The following FAM13B variants were observed in gnomAD, a reference collection of about 807,000 sequenced individuals.
FAM13B encodes family with sequence similarity 13 member B.
In FAM13B, 60 loss-of-function variants were observed where a neutral mutation model predicts 117.3. The ratio of observed to expected loss-of-function variants is 0.51; its 90% confidence interval spans 0.42 to 0.63. The LOEUF is 0.63. Among genes scored for constraint, FAM13B ranks in the 30% least tolerant of loss-of-function variants. The probability of loss-of-function intolerance (pLI) is 0.00; values close to 1 mark genes in which losing one functional copy is unlikely to be tolerated. For synonymous variants in FAM13B, 332 were observed against 356.1 expected, an observed-to-expected ratio of 0.93 and a Z score of 0.76; for missense variants, 972 against 1,091.9, an observed-to-expected ratio of 0.89 and a Z score of 1.55.
chr5:137,956,640 C>A, intron 13 of FAM13B, 98 bp from the exon 14 acceptor site: 1 of 719,262 alleles, frequency 1.4e-6, no homozygotes. Flanking sequence ...ATACCAAAAA[C>A]ATTTCCCTAA....
intron 1 of FAM13B, among the ~76,000 whole-genome samples, chr5:138,024,761 G>T (rs547976506): frequency 1.3e-5 from 2 of 149,352 alleles, no homozygotes; most frequent in South Asian, 4.2e-4. Flanking sequence ...ATTTCCAAAA[G>T]CATACTGTTA....
chr5:138,035,428 C>G (rs1417604354), upstream of FAM13B, among the ~76,000 whole-genome samples: 1 of 152,190 alleles, frequency 6.6e-6, no homozygotes, highest in Non-Finnish European at 1.5e-5. Flanking sequence ...GATATATTCT[C>G]TAGATCCTAC....
At position 137,941,936 on chromosome 5, in the gene FAM13B, C is replaced by A; in HGVS notation, c.2690+8G>T. On this transcript the variant is annotated splice_region_variant and intron_variant, in intron 23 of 23. Coordinates refer to ENST00000689681, the MANE Select transcript of FAM13B (RefSeq NM_001385994.1). ...AAAGATGACTCAATTTTGTGATGCT[C>A]AACAAACCTTCCATTTTGTTGATAA... is the stretch of plus-strand genomic sequence containing the variant. 1 of 1,610,558 alleles carries A rather than the reference C, an allele frequency of 6.2e-7. No individual in the cohort carries two copies. Among genetic ancestry groups the A allele is most frequent in the South Asian group, 1.1e-5 (1 of 90,900 alleles).
chr5:137,951,424 G>A (rs1561738810), intron 17 of FAM13B, among the ~76,000 whole-genome samples: 2 of 152,044 alleles, frequency 1.3e-5, no homozygotes, highest in African/African-American at 4.8e-5. Flanking sequence ...TTGCAAGACC[G>A]AGGTGGGAGA....
At chr5:137,971,608 A>C (rs1772172197) in intron 10 of FAM13B, among the ~76,000 whole-genome samples, 1 of 151,872 alleles carries the variant, frequency 6.6e-6, no homozygotes, top group African/African-American at 2.4e-5. Flanking sequence ...AAATAACTAA[A>C]ATCAGAGTAG....
intron 1 of FAM13B, chr5:138,040,066 A>G (rs1413080045): frequency 6.6e-6 from 1 of 150,998 alleles, no homozygotes; most frequent in Non-Finnish European, 1.5e-5. Context: ...GGAGTTCAAG[A>G]CCAGCCTGAC....
At chr5:137,985,531 T>C (rs1776981060) in intron 9 of FAM13B, 142 bp from the exon 10 acceptor site, 1 of 794,352 alleles carries the variant, frequency 1.3e-6, no homozygotes, top group African/African-American at 1.8e-5. Flanking sequence ...TCCACACTTT[T>C]ATCTTGCTAA....
intron 10 of FAM13B, among the ~76,000 whole-genome samples, chr5:137,977,332 C>T (rs868609342): frequency 8.5e-5 from 13 of 152,184 alleles, no homozygotes; most frequent in African/African-American, 2.9e-4. Flanking sequence ...CCTGTGATCT[C>T]GCCCTGCCTC....
intron 4 of FAM13B, among the ~76,000 whole-genome samples, chr5:138,015,131 T>C (rs1016752858): frequency 1.3e-5 from 2 of 152,214 alleles, no homozygotes; most frequent in South Asian, 2.1e-4. Flanking sequence ...GGGAAGACAG[T>C]GCCTTTGGTA....
chr5:138,031,071 C>A (rs1789860408), intron 1 of FAM13B, among the ~76,000 whole-genome samples: 1 of 151,922 alleles, frequency 6.6e-6, no homozygotes, highest in African/African-American at 2.4e-5. Flanking sequence ...ATTATAGTCC[C>A]CAAATTTAAA....
upstream of FAM13B, chr5:138,036,916 C>T (rs1291385825): frequency 9.2e-6 from 3 of 324,784 alleles, no homozygotes; most frequent in African/African-American, 6.5e-5. Context: ...TTGATTGTCA[C>T]CACTGGAGAG....
At chr5:137,972,831 C>A (rs1367094386) in intron 10 of FAM13B, among the ~76,000 whole-genome samples, 2 of 151,972 alleles carry the variant, frequency 1.3e-5, no homozygotes, top group African/African-American at 4.8e-5. Flanking sequence ...CAAACAGAGC[C>A]AAATCATGAG....
At chr5:137,944,654 G>A (rs1167310554) in intron 20 of FAM13B, among the ~76,000 whole-genome samples, 1 of 151,882 alleles carries the variant, frequency 6.6e-6, no homozygotes, top group Non-Finnish European at 1.5e-5. Flanking sequence ...AGCTACTTGG[G>A]AGGCTGAGGT....
upstream of FAM13B, chr5:138,036,679 T>C: frequency 2.4e-6 from 1 of 415,046 alleles, no homozygotes; most frequent in African/African-American, 2.0e-5. Flanking sequence ...ACCTGCTTTG[T>C]CTAAATCCTC....
intron 17 of FAM13B, among the ~76,000 whole-genome samples, chr5:137,951,236 A>AAAG (rs1764931258): frequency 7.5e-5 from 10 of 133,288 alleles, no homozygotes; most frequent in African/African-American, 1.9e-4. Context: ...AAAAAAAAGG[A>AAAG]GAGAGAGAGA....
At chr5:137,973,625 G>A (rs1478715596) in intron 10 of FAM13B, among the ~76,000 whole-genome samples, 1 of 151,864 alleles carries the variant, frequency 6.6e-6, no homozygotes, top group Non-Finnish European at 1.5e-5. Context: ...TGATTAAAGA[G>A]CTTCTGCACA....
At chr5:137,990,471 T>C (rs2150634399) in intron 7 of FAM13B, among the ~76,000 whole-genome samples, 1 of 152,230 alleles carries the variant, frequency 6.6e-6, no homozygotes, top group East Asian at 1.9e-4. Context: ...TGGTAGGGCT[T>C]ATATCCTCTC....
At chr5:137,992,463 G>A (rs1428584541) in intron 7 of FAM13B, among the ~76,000 whole-genome samples, 6 of 151,738 alleles carry the variant, frequency 4.0e-5, no homozygotes, top group African/African-American at 9.7e-5. Flanking sequence ...GCATGGTGAC[G>A]CATGCCTGTA....
At chr5:137,948,284 T>C (rs1209204446) in intron 18 of FAM13B, among the ~76,000 whole-genome samples, 2 of 151,978 alleles carry the variant, frequency 1.3e-5, no homozygotes, top group Non-Finnish European at 1.5e-5. Flanking sequence ...AGGGGCTGAG[T>C]GGCATAATGC....
Sources: allele counts gnomAD v4.1 joint callset (sites outside exome capture counted in the v4.1 genomes callset), GRCh38; gene constraint gnomAD v4.1.1; transcripts MANE v1.5; gene names NCBI Gene and HGNC (gene_info 2026-07-23, HGNC 2026-07-21).